Variants in POLE observed in about 807,000 individuals in gnomAD.
The protein encoded by POLE is DNA polymerase epsilon, catalytic subunit, also known as DNA polymerase epsilon catalytic subunit A.
Under a neutral mutation model 279.2 loss-of-function variants are expected in POLE, and 188 were observed. The observed-to-expected ratio is 0.67, with a 90% CI of 0.60 to 0.76. The LOEUF is 0.76. Ranked by LOEUF, POLE falls within the 30% of genes least tolerant of loss-of-function variation. The pLI is 0.00. For missense variants in POLE, 2,703 were observed against 3,016.7 expected, an observed-to-expected ratio of 0.90 and a Z score of 2.44; for synonymous variants, 1,214 against 1,172.5, an observed-to-expected ratio of 1.04 and a Z score of -0.72.
intron 32 of POLE, 173 bp downstream of exon 32, chr12:132,648,756 C>G: frequency 3.1e-6 from 2 of 655,716 alleles, no homozygotes; most frequent in Non-Finnish European, 5.0e-6. Context: ...CCATTCCCGG[C>G]ACTCGCTCTG....
intron 32 of POLE, among the ~76,000 whole-genome samples, chr12:132,647,206 G>A (rs1467301227): frequency 2.0e-5 from 3 of 152,058 alleles, no homozygotes; most frequent in Admixed American, 6.6e-5. Flanking sequence ...CACTGAGGCA[G>A]GAGGATTGCT....
chr12:132,681,343 C>CT lies in POLE; in HGVS notation c.63-65dup, dbSNP rs71453158. 151,939 of 1,522,306 alleles carry CT rather than the reference C, an allele frequency of 0.1. 8,601 individuals carry two copies. Among genetic ancestry groups the CT allele is most frequent in the Non-Finnish European group, 0.12 (132,053 of 1,118,906 alleles). 94.3% of individuals were successfully genotyped at this position (1,522,306 alleles called of 1,614,324 possible). A position where few individuals can be genotyped will look rare whatever the true frequency, so the allele number is the denominator to read the frequency against. On this transcript the variant is annotated intron_variant, in intron 1 of 48. Coordinates refer to ENST00000320574, the MANE Select transcript of POLE (RefSeq NM_006231.4). ...GCCACCTGCTGCTGCTTCTTTTTTT[C>CT]TTTTTTTTCTTTTTTTTTGAGACGG...
chr12:132,632,163 C>A (rs767589974), intron 45 of POLE, 152 bp downstream of exon 45: 28 of 649,808 alleles, frequency 4.3e-5, no homozygotes, highest in Middle Eastern at 8.4e-4. Context: ...AACATCCTTA[C>A]CATGCACAGG....
chr12:132,644,322 GCTT>G (rs76512886), intron 32 of POLE, among the ~76,000 whole-genome samples: 2 of 138,680 alleles, frequency 1.4e-5, no homozygotes, highest in South Asian at 2.2e-4. Flanking sequence ...ACCACGGATG[GCTT>G]TTTTTTTTTT....
Position 132,661,062 on chromosome 12 carries a change from C to T in POLE, c.2967G>A (p.Val989=), listed in dbSNP as rs1222374159. Residue 989 remains valine, a synonymous_variant, in exon 25 of 49, where the codon GTG becomes GTA. Transcript: ENST00000320574. The surrounding 1 kb of genome is among the most constrained non-coding windows in gnomAD (Gnocchi z 4.1). Reference sequence around the variant, plus strand: ...TGCTGCCCTTGAGGAAGGCCTCAAACACCGAGGATTGGAAGATCTTAATCA... The same window carrying T: ...TGCTGCCCTTGAGGAAGGCCTCAAATACCGAGGATTGGAAGATCTTAATCA... ...LQLIKIFQSS[V]FEAFLKGSTL... 3 of 1,614,082 alleles carry T rather than the reference C, an allele frequency of 1.9e-6. No homozygotes were observed. Among genetic ancestry groups the T allele is most frequent in the Non-Finnish European group, 2.5e-6 (3 of 1,180,012 alleles).
chr12:132,632,085 G>A lies in POLE; in HGVS notation c.6330+230C>T, dbSNP rs5745030. ...ACCTGCTCCTCACCTTGCACACGCT[G>A]GCACCCTGACCCTACACATGTAGGT... On this transcript the variant is annotated intron_variant, in intron 45 of 48. Coordinates refer to ENST00000320574, the MANE Select transcript of POLE (RefSeq NM_006231.4). Among the ~76,000 whole-genome samples, 1,834 of 151,844 alleles carry A rather than the reference G, an allele frequency of 0.012. 43 individuals carry two copies. Among genetic ancestry groups the A allele is most frequent in the African/African-American group, 0.042 (1,747 of 41,372 alleles).
At position 132,649,116 on chromosome 12, in the gene POLE, G is replaced by C; in HGVS notation, c.4006-44C>G. On this transcript the variant is annotated intron_variant, in intron 31 of 48. Coordinates refer to ENST00000320574, the MANE Select transcript of POLE (RefSeq NM_006231.4). ...ATACAGCACATCACAGGACACACTG[G>C]AACCCACAGACGGGGCCACCTTCCA... 3 of 1,590,420 alleles carry C rather than the reference G, an allele frequency of 1.9e-6. No homozygotes were observed. In the South Asian group the frequency reaches 3.4e-5, roughly 18 times the overall value.
rs1026163395 is a variant in POLE at position 132,672,339 on chromosome 12, A to G, written c.1687-17T>C. On this transcript the variant is annotated splice_polypyrimidine_tract_variant and intron_variant, in intron 15 of 48. Transcript: ENST00000320574. Reference sequence around the variant, plus strand: ...GGCAGGATTCTAGCACAACAGTGAGACGACGGGGTCAGAGGGGAAACACAC... The same window carrying G: ...GGCAGGATTCTAGCACAACAGTGAGGCGACGGGGTCAGAGGGGAAACACAC... 6 of 1,600,584 alleles carry G rather than the reference A, an allele frequency of 3.7e-6. No individual in the cohort carries two copies. In the African/African-American group the frequency reaches 5.4e-5, roughly 14 times the overall value.
At chr12:132,652,615 C>T (rs1402039656) in intron 29 of POLE, among the ~76,000 whole-genome samples, 1 of 152,164 alleles carries the variant, frequency 6.6e-6, no homozygotes, top group African/African-American at 2.4e-5. Context: ...TGAGCCATCA[C>T]ACTCAGCCTT....
intron 25 of POLE, 155 bp downstream of exon 25, chr12:132,660,814 G>C (rs1025576799): frequency 5.9e-6 from 3 of 506,802 alleles, no homozygotes; most frequent in South Asian, 8.7e-5. Context: ...GAACTCCAAG[G>C]GGGTAATTGT....
At chr12:132,638,247 A>ACG in intron 40 of POLE, 108 bp from the exon 41 acceptor site, 2 of 951,922 alleles carry the variant, frequency 2.1e-6, no homozygotes. Flanking sequence ...GAAGCAGAAA[A>ACG]GCCTCCGAGA....
chr12:132,672,565 G>T, intron 15 of POLE, 62 bp downstream of exon 15: 1 of 1,532,474 alleles, frequency 6.5e-7, no homozygotes, highest in Non-Finnish European at 9.0e-7. Flanking sequence ...AGCCCCTGCA[G>T]CTTCTGGGTC....
rs764888601 is a variant in POLE at position 132,649,028 on chromosome 12, G to A, written c.4050C>T (p.Leu1350=). The A allele has an allele frequency of 9.3e-6, 15 of 1,613,590 alleles. No homozygotes were observed. The highest frequency in any genetic ancestry group is 5.3e-5 in the African/African-American group (4 of 74,936). Residue 1350 remains leucine, a synonymous_variant, in exon 32 of 49, where the codon CTC becomes CTT. Transcript: ENST00000320574. ...TGATGCAGTGCAAGTCACTGCCAAC[G>A]AGCGCCCACAGCCTGAACAGGCCGG... ...SQAGLFRLWA[L]VGSDLHCIRL...
rs562829702 is a variant in POLE, at chr12:132,646,378, C to T, written c.4150-2401G>A. On this transcript the variant is annotated intron_variant, in intron 32 of 48. Transcript: ENST00000320574. Reference sequence around the variant, plus strand: ...GTGTCCAAAAACCCAATCAACTGCACATTTAAAAATCTGCACTTAACTATA... The same window carrying T: ...GTGTCCAAAAACCCAATCAACTGCATATTTAAAAATCTGCACTTAACTATA... 2.0e-5 allele frequency among the ~76,000 whole-genome samples: 3 copies of T among 152,262 alleles called. No homozygotes were observed. In the South Asian group the frequency reaches 6.2e-4, roughly 32 times the overall value.
In POLE at chr12:132,665,404, G is replaced by C. The variant is rs2042772589; in HGVS notation, c.2366C>G (p.Ala789Gly). 1.9e-6 allele frequency: 3 copies of C among 1,613,354 alleles called. No homozygotes were observed. Among genetic ancestry groups the C allele is most frequent in the Non-Finnish European group, 2.5e-6 (3 of 1,180,006 alleles). ...CATGTTCTTGCAGCGCTTCACCTCAGCCGCGTCGCCCACCTCCACGGCCGC... is the reference window on the plus strand; with the variant it reads ...CATGTTCTTGCAGCGCTTCACCTCACCCGCGTCGCCCACCTCCACGGCCGC... Reference protein sequence around the residue: ...LSAAVEVGDAAEVKRCKNMEV... With the variant: ...LSAAVEVGDAGEVKRCKNMEV... The change falls in exon 21 of 49, where the codon GCT (alanine) becomes GGT (glycine). Residue 789 changes from alanine (A) to glycine (G), a missense_variant. Coordinates refer to ENST00000320574, the MANE Select transcript of POLE (RefSeq NM_006231.4).
In POLE at chr12:132,632,587, G is replaced by A. The variant is rs945107039; in HGVS notation, c.6136+77C>T. On this transcript the variant is annotated intron_variant, in intron 44 of 48. Transcript: ENST00000320574. ...ACCTCCCACCTGGGGGACTGGCACC[G>A]GGGACCACCCATGGCACACAGAGGA... is the stretch of plus-strand genomic sequence containing the variant. The A allele has an allele frequency of 5.4e-5, 86 of 1,607,210 alleles. 1 individual carries two copies. Among genetic ancestry groups the A allele is most frequent in the Admixed American group, 3.5e-4 (21 of 59,980 alleles).
chr12:132,686,360 T>C (rs375593634), intron 1 of POLE, among the ~76,000 whole-genome samples: 12 of 151,864 alleles, frequency 7.9e-5, no homozygotes, highest in East Asian at 3.9e-4. Flanking sequence ...CGGGCTCAGG[T>C]GAACCTCCGG....
rs771312122 is a variant in POLE at position 132,624,926 on chromosome 12, G to A, written c.6726C>T (p.Phe2242=). 25 of 1,613,934 alleles carry A rather than the reference G, an allele frequency of 1.5e-5. No individual in the cohort carries two copies. The highest frequency in any genetic ancestry group is 1.6e-4 in the Middle Eastern group (1 of 6,080). ...MPVYCSCAGD[F]ALTIHTQVFM... is the part of the protein sequence containing the mutation. ...CCACCTGGGTGTGGATGGTGAGGGC[G>A]AAGTCTCCCGCGCAGCTGCAGTACA... The change falls in exon 48 of 49, where the codon TTC becomes TTT. Residue 2242 remains phenylalanine, a synonymous_variant. Coordinates refer to ENST00000320574, the MANE Select transcript of POLE (RefSeq NM_006231.4).
At chr12:132,653,998 A>C (rs1308709997) in intron 29 of POLE, among the ~76,000 whole-genome samples, 1 of 152,222 alleles carries the variant, frequency 6.6e-6, no homozygotes, top group African/African-American at 2.4e-5. Context: ...TCTAAAATTA[A>C]ACAGTGCTTG....
Sources: gnomAD v4.1 joint callset for allele counts (sites outside exome capture counted in the v4.1 genomes callset) on GRCh38, gnomAD v4.1.1 for gene constraint, Gnocchi (gnomAD v3.1) non-coding constraint, MANE v1.5 for transcripts, NCBI Gene and HGNC (gene_info 2026-07-23, HGNC 2026-07-21) for gene names.